The following PKD1 variants were observed in gnomAD, a reference collection of about 807,000 sequenced individuals.
PKD1 encodes the protein polycystin-1.
In PKD1, 81 loss-of-function variants were observed where a neutral mutation model predicts 361.7. The observed-to-expected ratio is 0.22, with a 90% CI of 0.19 to 0.27. The LOEUF (loss-of-function observed/expected upper bound fraction) is 0.27. Ranked by LOEUF, PKD1 falls within the 10% of genes least tolerant of loss-of-function variation. The pLI is 1.00. For missense variants in PKD1, 6,399 were observed against 6,118.3 expected (o/e 1.05, Z -1.53); for synonymous variants, 3,615 against 2,818.3 (o/e 1.28, Z -8.95).
At chr16:2,119,982 C>T (rs527578914) in intron 1 of PKD1, 111 of 596,496 alleles carry the variant, frequency 1.9e-4, no homozygotes, top group African/African-American at 1.5e-3. Context: ...GGAGCTGAGA[C>T]GGAAGGATCG....
Position 2,088,908 on chromosome 16 carries a change from C to T in PKD1, c.*819G>A, listed in dbSNP as rs1205666020. The T allele has an allele frequency of 7.3e-6, 3 of 411,530 alleles. No individual in the cohort carries two copies. The highest frequency in any genetic ancestry group is 1.3e-5 in the Non-Finnish European group (3 of 224,328). The allele number at this position is 411,530 out of a possible 1,614,324, so 25.5% of individuals were successfully genotyped here. ...ACACACACACACACACAGTCACCTT[C>T]CTCCACCCTGGGAGCCAGCCCCCAG... is the stretch of plus-strand genomic sequence containing the variant. On this transcript the variant is annotated 3_prime_UTR_variant, in exon 46 of 46. Coordinates refer to ENST00000262304, the MANE Select transcript of PKD1 (RefSeq NM_001009944.3).
chr16:2,123,020 G>A (rs980862824), intron 1 of PKD1, among the ~76,000 whole-genome samples: 1 of 152,208 alleles, frequency 6.6e-6, no homozygotes, highest in African/African-American at 2.4e-5. Flanking sequence ...TGACAAGCCA[G>A]GGCAGGGGTG....
chr16:2,125,864 C>A (rs984799918), intron 1 of PKD1, among the ~76,000 whole-genome samples: 55 of 152,300 alleles, frequency 3.6e-4, no homozygotes, highest in Non-Finnish European at 5.9e-4. Flanking sequence ...GCAGGTGCTG[C>A]ACTGACCTTA....
intron 11 of PKD1, 161 bp from the exon 12 acceptor site, chr16:2,113,453 G>C: frequency 1.2e-6 from 1 of 819,342 alleles, no homozygotes; most frequent in Non-Finnish European, 2.0e-6. Context: ...GCCCGGGCTG[G>C]GACACTCACT....
rs779302666 is a variant in PKD1, at chr16:2,109,233, G to A, written c.5934C>T (p.Asn1978=). The A allele has an allele frequency of 2.5e-6, 4 of 1,590,610 alleles. No individual in the cohort carries two copies. Among genetic ancestry groups the A allele is most frequent in the African/African-American group, 2.7e-5 (2 of 74,552 alleles). The change falls in exon 15 of 46, where the codon AAC becomes AAT. Residue 1978 remains asparagine (N), a synonymous_variant. Transcript: ENST00000262304. The part of the protein sequence containing the change: ...LEAVSGLQVP[N]CCEPGIATGT... ...CCGTGGCGATGCCAGGCTCGCAGCA[G>A]TTGGGCACCTGCAGCCCACTCACGG...
At position 2,116,583 on chromosome 16, in the gene PKD1, G is replaced by T. The variant is rs1311566854; in HGVS notation, c.1668C>A (p.Pro556=). ...VGAPSGDLQG[P]LTPLAQQDGL... is the part of the protein sequence containing the mutation. ...CGTCCTGCTGTGCCAGAGGCGTCAG[G>T]GGTCCCTGCAGGTCCCCACTGGGCG... is the stretch of plus-strand genomic sequence containing the variant. Residue 556 remains proline, a synonymous_variant, in exon 8 of 46, where the codon CCC becomes CCA. Coordinates refer to ENST00000262304, the MANE Select transcript of PKD1 (RefSeq NM_001009944.3). 4 of 1,571,500 alleles carry T rather than the reference G, an allele frequency of 2.5e-6. No homozygotes were observed. The East Asian group carries it at 9.3e-5, about 37-fold the overall frequency.
rs911585648 is a variant in PKD1, at chr16:2,088,819, C to A, written c.*908G>T. 3.0e-6 allele frequency: 2 copies of A among 674,986 alleles called. No individual in the cohort carries two copies. The highest frequency in any genetic ancestry group is 4.9e-6 in the Non-Finnish European group (2 of 408,366). The allele number at this position is 674,986 out of a possible 1,614,324, so 41.8% of individuals were successfully genotyped here. ...CAGAAGTGGTACACAGAAGCAGGCA[C>A]AGCCAGCTCCGAGGGCCTTGAGGCT... On this transcript the variant is annotated 3_prime_UTR_variant, in exon 46 of 46. Coordinates refer to ENST00000262304, the MANE Select transcript of PKD1 (RefSeq NM_001009944.3).
At chr16:2,093,255 C>A in intron 37 of PKD1, 162 bp from the exon 38 acceptor site, 1 of 842,286 alleles carries the variant, frequency 1.2e-6, no homozygotes. Flanking sequence ...TGGCAGCACA[C>A]ACCCTGCCCG....
In PKD1 at chr16:2,091,515, G is replaced by T; in HGVS notation, c.11620C>A (p.Pro3874Thr). 6.8e-7 allele frequency: 1 copy of T among 1,460,372 alleles called. No individual in the cohort carries two copies. The allele number at this position is 1,460,372 out of a possible 1,614,324, so 90.5% of individuals were successfully genotyped here. ...HAAVTLRLEF[P>T]AAGRALAALS... ...GCGGCCAGGGCGCGGCCGGCCGCCGGGAACTCGAGGCGCAGCGTGACGGCG... is the reference window on the plus strand; with the variant it reads ...GCGGCCAGGGCGCGGCCGGCCGCCGTGAACTCGAGGCGCAGCGTGACGGCG... Residue 3874 changes from proline to threonine, a missense_variant, in exon 42 of 46, where the codon CCG becomes ACG. Physicochemically the swap from Pro to Thr is conservative, Grantham distance 38. Coordinates refer to ENST00000262304, the MANE Select transcript of PKD1 (RefSeq NM_001009944.3).
In PKD1 at chr16:2,109,379, C is replaced by A. The variant is rs767918756; in HGVS notation, c.5788G>T (p.Val1930Leu). The A allele has an allele frequency of 1.3e-6, 2 of 1,596,586 alleles. No homozygotes were observed. Among genetic ancestry groups the A allele is most frequent in the East Asian group, 2.2e-5 (1 of 44,784 alleles). Residue 1930 changes from valine (V) to leucine (L), a missense_variant, in exon 15 of 46, where the codon GTG becomes TTG. Val to Leu is a conservative substitution (Grantham distance 32). Transcript: ENST00000262304. ...RLQVGGANPE[V>L]LPGPRFSHSF... is the part of the protein sequence containing the mutation. The stretch of plus-strand genomic sequence containing the variant: ...TGGGAGAAACGGGGCCCGGGGAGCA[C>A]CTCGGGGTTGGCCCCGCCGACCTGC...
At chr16:2,092,663 G>C in intron 38 of PKD1, 71 bp from the exon 39 acceptor site, 1 of 1,116,364 alleles carries the variant, frequency 9.0e-7, no homozygotes, top group South Asian at 1.3e-5. Context: ...GGCCACCAGA[G>C]ACCCAGGGAA....
At chr16:2,107,525 G>A in intron 16 of PKD1, 1 of 408,074 alleles carries the variant, frequency 2.5e-6, no homozygotes, top group East Asian at 5.5e-5. Context: ...CTCCTGGCCG[G>A]TCCAGAGAGG....
In PKD1 at chr16:2,114,730, G is replaced by A. The variant is rs1369912443; in HGVS notation, c.2293C>T (p.Pro765Ser). 1.3e-5 allele frequency: 20 copies of A among 1,529,648 alleles called. No individual in the cohort carries two copies. Among genetic ancestry groups the A allele is most frequent in the Middle Eastern group, 4.6e-4 (2 of 4,370 alleles). The allele number at this position is 1,529,648 out of a possible 1,614,324, so 94.8% of individuals were successfully genotyped here. ...GCAAGCAGCCGCAGGGCACAGGCAG[G>A]GCAGGCCCAAGTGCCCTCCAGCTGG... ...PAQLEGTWAC[P>S]ACALRLLAAT... Residue 765 changes from proline (P) to serine (S), a missense_variant, in exon 11 of 46, where the codon CCT (proline) becomes TCT (serine). Pro to Ser is a moderately conservative substitution (Grantham distance 74). Coordinates refer to ENST00000262304, the MANE Select transcript of PKD1 (RefSeq NM_001009944.3).
intron 23 of PKD1, 47 bp from the exon 24 acceptor site, chr16:2,103,017 C>T (rs1596524489): frequency 6.3e-7 from 1 of 1,591,438 alleles, no homozygotes; most frequent in African/African-American, 1.3e-5. Flanking sequence ...AGCTCAACCA[C>T]CCGGGGGACA....
chr16:2,112,512 G>A (rs1472137989), intron 13 of PKD1, 39 bp from the exon 14 acceptor site: 1 of 1,571,744 alleles, frequency 6.4e-7, no homozygotes, highest in East Asian at 2.3e-5. Context: ...AACCGGGACA[G>A]GGGTGGGCGG....
chr16:2,090,668 A>T lies in PKD1; in HGVS notation c.12138+6T>A. 1 of 1,612,000 alleles carries T rather than the reference A, an allele frequency of 6.2e-7. No homozygotes were observed. Among genetic ancestry groups the T allele is most frequent in the Non-Finnish European group, 8.5e-7 (1 of 1,179,904 alleles). On this transcript the variant is annotated splice_donor_region_variant and intron_variant, in intron 44 of 45. Transcript: ENST00000262304. ...AGACGCCCTCCCCGGCCGCGCAGTC[A>T]CCTACCAGGATGGCCAGCTGGGCGT...
At position 2,089,710 on chromosome 16, in the gene PKD1, C is replaced by G. The variant is rs113679594; in HGVS notation, c.*17G>C. 18 of 1,564,768 alleles carry G rather than the reference C, an allele frequency of 1.2e-5. 1 individual carries two copies. The African/African-American group carries it at 1.2e-4, about 11-fold the overall frequency. On this transcript the variant is annotated 3_prime_UTR_variant, in exon 46 of 46. Coordinates refer to ENST00000262304, the MANE Select transcript of PKD1 (RefSeq NM_001009944.3). ...GTCCACTCCGACTCCACGGCCCACCCCCGCCAGGAAGGAGGACTAAGTGCT... is the reference window on the plus strand; with the variant it reads ...GTCCACTCCGACTCCACGGCCCACCGCCGCCAGGAAGGAGGACTAAGTGCT...
rs749389330 is a variant in PKD1, at chr16:2,102,046, C to A, written c.9397+15G>T. 1.3e-6 allele frequency: 2 copies of A among 1,525,486 alleles called. No homozygotes were observed. The highest frequency in any genetic ancestry group is 1.4e-5 in the African/African-American group (1 of 71,710). 94.5% of individuals were successfully genotyped at this position (1,525,486 alleles called of 1,614,324 possible). On this transcript the variant is annotated intron_variant, in intron 26 of 45. Transcript: ENST00000262304. ...GAGAGCAGGGGAGGCCCTGCCACCCCGCTGCGCCCCTCACCTGAGCCCCGG... is the reference window on the plus strand; with the variant it reads ...GAGAGCAGGGGAGGCCCTGCCACCCAGCTGCGCCCCTCACCTGAGCCCCGG...
intron 34 of PKD1, chr16:2,094,931 A>C (rs973407770): frequency 6.6e-6 from 1 of 152,440 alleles, no homozygotes; most frequent in Non-Finnish European, 1.5e-5. Flanking sequence ...GGCCTGACCC[A>C]GGGTCACACT....
Sources: allele counts gnomAD v4.1 joint callset (sites outside exome capture counted in the v4.1 genomes callset), GRCh38; gene constraint gnomAD v4.1.1; transcripts MANE v1.5; gene names NCBI Gene and HGNC (gene_info 2026-07-23, HGNC 2026-07-21).